Variants in EFNA5 observed in about 807,000 individuals in gnomAD.
The protein encoded by EFNA5 is ephrin A5.
A neutral mutation model predicts 22.9 loss-of-function variants in EFNA5; 5 were observed. That is an observed-to-expected ratio of 0.22 (90% confidence interval 0.11 to 0.46). The LOEUF (loss-of-function observed/expected upper bound fraction) is 0.46. EFNA5 is among the 20% of genes least tolerant of loss of function. The pLI is 0.99. For synonymous variants in EFNA5, 113 were observed against 112.2 expected (o/e 1.01, Z -0.04); for missense variants, 237 against 293.3 (o/e 0.81, Z 1.40).
At chr5:107,647,976 G>T (rs867875085) in intron 1 of EFNA5, among the ~76,000 whole-genome samples, 9 of 152,284 alleles carry the variant, frequency 5.9e-5, no homozygotes, top group African/African-American at 2.2e-4. Context: ...AGGTGGATTA[G>T]ATAATATTTA....
chr5:107,485,312 T>C (rs1746586461), intron 1 of EFNA5, among the ~76,000 whole-genome samples: 2 of 152,102 alleles, frequency 1.3e-5, no homozygotes, highest in African/African-American at 4.8e-5. Context: ...AAATGCAAAT[T>C]CAATGTAAAA....
intron 1 of EFNA5, among the ~76,000 whole-genome samples, chr5:107,432,798 C>T (rs928110288): frequency 2.6e-5 from 4 of 152,100 alleles, no homozygotes; most frequent in Non-Finnish European, 5.9e-5. Flanking sequence ...TTGAGCAACA[C>T]GGGTTTGAAC....
Position 107,670,605 on chromosome 5 carries a change from G to T in EFNA5, c.9C>A (p.His3Gln). The T allele has an allele frequency of 1.9e-6, 3 of 1,603,390 alleles. No homozygotes were observed. Among genetic ancestry groups the T allele is most frequent in the Non-Finnish European group, 2.6e-6 (3 of 1,175,548 alleles). Residue 3 changes from histidine (H) to glutamine (Q), a missense_variant, in exon 1 of 5, where the codon CAC becomes CAA. Around this residue, in one of 3 missense-constraint regions of EFNA5, gnomAD observed 120 missense variants for 140.5 expected, o/e 0.85. Coordinates refer to ENST00000333274, the MANE Select transcript of EFNA5 (RefSeq NM_001962.3). ML[H>Q]VEMLTLVFLV... ...GAAACACCAGCGTCAACATCTCCACGTGCAACATCACGCCTGGCCAGCGGC... is the reference window on the plus strand; with the variant it reads ...GAAACACCAGCGTCAACATCTCCACTTGCAACATCACGCCTGGCCAGCGGC...
At chr5:107,485,035 T>G (rs1746562383) in intron 1 of EFNA5, among the ~76,000 whole-genome samples, 1 of 150,864 alleles carries the variant, frequency 6.6e-6, no homozygotes, top group Non-Finnish European at 1.5e-5. Context: ...AAATACAAAT[T>G]AAGAAATTTC....
intron 1 of EFNA5, among the ~76,000 whole-genome samples, chr5:107,550,355 G>C (rs1205457621): frequency 6.6e-6 from 1 of 152,114 alleles, no homozygotes; most frequent in Non-Finnish European, 1.5e-5. Context: ...TAATCAATAA[G>C]TGTTTCCTCA....
At chr5:107,388,079 T>C (rs1441412577) in intron 2 of EFNA5, among the ~76,000 whole-genome samples, 3 of 152,220 alleles carry the variant, frequency 2.0e-5, no homozygotes, top group Admixed American at 6.5e-5. Flanking sequence ...TGATCTGTTA[T>C]CAATTTTCTC....
chr5:107,463,012 G>A (rs1289781765), intron 1 of EFNA5, among the ~76,000 whole-genome samples: 1 of 152,134 alleles, frequency 6.6e-6, no homozygotes, highest in Admixed American at 6.6e-5. Flanking sequence ...TGCTGAATAT[G>A]TCATATACTC....
At chr5:107,642,301 T>C (rs1171167416) in intron 1 of EFNA5, among the ~76,000 whole-genome samples, 4 of 152,180 alleles carry the variant, frequency 2.6e-5, no homozygotes, top group Admixed American at 6.5e-5. Context: ...ATATATTGTA[T>C]ACTTCAAAAT....
intron 1 of EFNA5, among the ~76,000 whole-genome samples, chr5:107,665,297 G>A (rs779113931): frequency 1.3e-5 from 2 of 152,218 alleles, no homozygotes; most frequent in Non-Finnish European, 2.9e-5. Context: ...AACCAGGCCA[G>A]TGGACAGAAT....
intron 1 of EFNA5, among the ~76,000 whole-genome samples, chr5:107,525,714 G>A (rs1296632311): frequency 6.6e-6 from 1 of 152,168 alleles, no homozygotes; most frequent in Non-Finnish European, 1.5e-5. Flanking sequence ...AGGCTGAGGA[G>A]AAGGAGAAAG....
intron 1 of EFNA5, among the ~76,000 whole-genome samples, chr5:107,623,975 T>C (rs779792130): frequency 1.8e-4 from 27 of 151,902 alleles, no homozygotes; most frequent in South Asian, 2.1e-4. Context: ...AATACACAAG[T>C]GGGGGAGTCG....
chr5:107,454,182 T>C (rs539993522), intron 1 of EFNA5, among the ~76,000 whole-genome samples: 1 of 152,286 alleles, frequency 6.6e-6, no homozygotes, highest in Admixed American at 6.5e-5. Context: ...AATGCATTCA[T>C]ATTTTGTCAC....
At chr5:107,665,007 AAC>A (rs1407349329) in intron 1 of EFNA5, among the ~76,000 whole-genome samples, 2 of 152,202 alleles carry the variant, frequency 1.3e-5, no homozygotes, top group Non-Finnish European at 2.9e-5. Context: ...TTATATTGAA[AAC>A]ACAAACCAAT....
chr5:107,613,115 G>C (rs1749854801), intron 1 of EFNA5, among the ~76,000 whole-genome samples: 1 of 151,718 alleles, frequency 6.6e-6, no homozygotes, highest in Non-Finnish European at 1.5e-5. Context: ...AAAGATGAAG[G>C]AAAACCTTGG....
chr5:107,547,588 AGAGT>A (rs940648746), intron 1 of EFNA5, among the ~76,000 whole-genome samples: 2 of 152,124 alleles, frequency 1.3e-5, no homozygotes, highest in Non-Finnish European at 2.9e-5. Flanking sequence ...AAATAAATAC[AGAGT>A]TAGTGTTTAC....
At chr5:107,455,976 T>C (rs536990361) in intron 1 of EFNA5, among the ~76,000 whole-genome samples, 3 of 152,296 alleles carry the variant, frequency 2.0e-5, no homozygotes, top group South Asian at 2.1e-4. Flanking sequence ...ATCCACTACC[T>C]AGAAATGCTT....
At chr5:107,635,429 A>G (rs961927421) in intron 1 of EFNA5, among the ~76,000 whole-genome samples, 1 of 152,240 alleles carries the variant, frequency 6.6e-6, no homozygotes, top group Non-Finnish European at 1.5e-5. Context: ...GCGGTTCAGC[A>G]GGACACAGAG....
intron 1 of EFNA5, among the ~76,000 whole-genome samples, chr5:107,529,913 T>C (rs932431463): frequency 6.6e-6 from 1 of 152,172 alleles, no homozygotes; most frequent in Non-Finnish European, 1.5e-5. Context: ...AATGAGAAAA[T>C]AGAGGTTTCA....
intron 1 of EFNA5, among the ~76,000 whole-genome samples, chr5:107,650,628 T>TA (rs1750710340): frequency 6.6e-6 from 1 of 152,218 alleles, no homozygotes; most frequent in South Asian, 2.1e-4. Context: ...ATATTGTTAT[T>TA]ATGTAAACCA....
Sources: allele counts gnomAD v4.1 joint callset (sites outside exome capture counted in the v4.1 genomes callset), GRCh38; gene constraint gnomAD v4.1.1; regional missense constraint gnomAD v4.1.1; transcripts MANE v1.5; gene names NCBI Gene and HGNC (gene_info 2026-07-23, HGNC 2026-07-21).